The following ATP1B3 variants were observed in gnomAD, a reference collection of about 807,000 sequenced individuals.
ATP1B3 encodes ATPase Na+/K+ transporting subunit beta 3.
Under a neutral mutation model 30.2 loss-of-function variants are expected in ATP1B3, and 10 were observed. That is an observed-to-expected ratio of 0.33 (90% confidence interval 0.20 to 0.56). ATP1B3 has a LOEUF of 0.56. Among genes scored for constraint, ATP1B3 ranks in the 20% least tolerant of loss-of-function variants. The pLI, the probability that ATP1B3 is intolerant of heterozygous loss-of-function variation, is 0.90. For synonymous variants in ATP1B3, 113 were observed against 117.0 expected (o/e 0.97, Z 0.22); for missense variants, 238 against 336.7 (o/e 0.71, Z 2.29).
At chr3:141,889,988 C>G (rs893728040) in intron 1 of ATP1B3, among the ~76,000 whole-genome samples, 2 of 149,456 alleles carry the variant, frequency 1.3e-5, no homozygotes, top group African/African-American at 4.9e-5. Flanking sequence ...TGATAGGATG[C>G]TGGTATCTAT....
chr3:141,888,884 G>A (rs1003742450), intron 1 of ATP1B3, among the ~76,000 whole-genome samples: 1 of 152,222 alleles, frequency 6.6e-6, no homozygotes, highest in African/African-American at 2.4e-5. Flanking sequence ...CCCCAGCCAT[G>A]TGGAACTGAG....
intron 1 of ATP1B3, among the ~76,000 whole-genome samples, chr3:141,901,400 A>G (rs1934161408): frequency 6.6e-6 from 1 of 152,180 alleles, no homozygotes; most frequent in South Asian, 2.1e-4. Flanking sequence ...TTTAGGGGGA[A>G]GAGGTGGTTG....
intron 6 of ATP1B3, among the ~76,000 whole-genome samples, chr3:141,922,669 A>G (rs1291552824): frequency 6.7e-6 from 1 of 148,362 alleles, no homozygotes; most frequent in East Asian, 2.0e-4. Flanking sequence ...CAAAAAAATA[A>G]ATGAAAAGAA....
intron 5 of ATP1B3, chr3:141,921,763 T>C (rs536248275): frequency 2.4e-5 from 9 of 379,720 alleles, no homozygotes; most frequent in Non-Finnish European, 4.3e-5. Context: ...AGTGTAAGTA[T>C]CAGGATAGTT....
intron 1 of ATP1B3, among the ~76,000 whole-genome samples, chr3:141,890,469 A>G (rs184242781): frequency 2.6e-5 from 4 of 151,154 alleles, no homozygotes; most frequent in Non-Finnish European, 5.9e-5. Context: ...CGCCCGGCTG[A>G]TTTTTGTATT....
chr3:141,924,195 T>G (rs1223432069), intron 6 of ATP1B3, among the ~76,000 whole-genome samples: 1 of 150,272 alleles, frequency 6.7e-6, no homozygotes, highest in African/African-American at 2.5e-5. Context: ...AATACAAAAA[T>G]TAGCTGACCG....
At chr3:141,904,306 T>C (rs568235661) in intron 2 of ATP1B3, among the ~76,000 whole-genome samples, 17 of 109,808 alleles carry the variant, frequency 1.5e-4, no homozygotes, top group African/African-American at 4.3e-4. Context: ...TTTCGGTTTC[T>C]TTTTTTTTTT....
intron 4 of ATP1B3, 99 bp from the exon 5 acceptor site, chr3:141,915,871 A>T: frequency 1.3e-6 from 1 of 797,050 alleles, no homozygotes; most frequent in Non-Finnish European, 2.0e-6. Flanking sequence ...ACTTGGTGTT[A>T]ATCTCAAAGT....
At chr3:141,898,607 A>G (rs1073464) in intron 1 of ATP1B3, among the ~76,000 whole-genome samples, 21,081 of 152,210 alleles carry the variant, frequency 0.14, 1,703 homozygotes, top group East Asian at 0.39. Flanking sequence ...AAGAAGTGTT[A>G]ATGAGGTTGA....
chr3:141,910,402 C>G (rs560767846), intron 3 of ATP1B3, among the ~76,000 whole-genome samples: 1 of 151,984 alleles, frequency 6.6e-6, no homozygotes, highest in Non-Finnish European at 1.5e-5. Context: ...TCTACATTAT[C>G]ACTTTTCTTT....
chr3:141,883,920 T>C (rs1933782952), intron 1 of ATP1B3, among the ~76,000 whole-genome samples: 1 of 152,066 alleles, frequency 6.6e-6, no homozygotes, highest in Non-Finnish European at 1.5e-5. Context: ...TATTGGAGAC[T>C]CAGCTGGGTT....
chr3:141,910,791 T>TA (rs1223643957), intron 3 of ATP1B3, among the ~76,000 whole-genome samples: 2 of 144,938 alleles, frequency 1.4e-5, no homozygotes, highest in East Asian at 4.0e-4. Flanking sequence ...CCCTTTTTTT[T>TA]AATTATTTTT....
intron 1 of ATP1B3, among the ~76,000 whole-genome samples, chr3:141,885,529 A>G (rs1219710575): frequency 6.6e-6 from 1 of 151,868 alleles, no homozygotes; most frequent in Non-Finnish European, 1.5e-5. Context: ...GCTCACTGCA[A>G]CCTCCGCCTC....
intron 2 of ATP1B3, 74 bp from the exon 3 acceptor site, chr3:141,907,093 C>A: frequency 2.6e-6 from 3 of 1,146,522 alleles, no homozygotes; most frequent in Non-Finnish European, 3.7e-6. Context: ...TTGCTGAGAT[C>A]TGCTTTTTAG....
Position 141,895,469 on chromosome 3 carries a change from C to T in ATP1B3, c.110-8151C>T, listed in dbSNP as rs544732071. Among the ~76,000 whole-genome samples the T allele has an allele frequency of 4.6e-5, 7 of 152,252 alleles. No homozygotes were observed. In the South Asian group the frequency reaches 6.2e-4, roughly 14 times the overall value. On this transcript the variant is annotated intron_variant, in intron 1 of 6. Transcript: ENST00000286371. ...CCTCTCAAAGTACTGGGATTACAAGCGTGAGCCACTGCGTCCCGCCTCTTT... is the reference window on the plus strand; with the variant it reads ...CCTCTCAAAGTACTGGGATTACAAGTGTGAGCCACTGCGTCCCGCCTCTTT...
intron 5 of ATP1B3, 38 bp downstream of exon 5, chr3:141,916,058 T>C (rs747775692): frequency 1.3e-6 from 2 of 1,540,044 alleles, no homozygotes; most frequent in South Asian, 2.4e-5. Flanking sequence ...AAATCTTTGA[T>C]GTTTCTTAAA....
chr3:141,902,438 A>T (rs1315677955), intron 1 of ATP1B3, among the ~76,000 whole-genome samples: 1 of 152,170 alleles, frequency 6.6e-6, no homozygotes, highest in Non-Finnish European at 1.5e-5. Context: ...CTGGGGGGAA[A>T]ATATATTCAG....
chr3:141,924,784 G>A (rs1047959224), intron 6 of ATP1B3, among the ~76,000 whole-genome samples: 28 of 151,946 alleles, frequency 1.8e-4, no homozygotes, highest in African/African-American at 4.3e-4. Context: ...GTGAAACCCC[G>A]TCTATTAAAA....
intron 1 of ATP1B3, among the ~76,000 whole-genome samples, chr3:141,890,811 G>A (rs550132765): frequency 1.3e-5 from 2 of 152,336 alleles, no homozygotes; most frequent in East Asian, 1.9e-4. Context: ...GAGCTGAAGC[G>A]ATCTGCCTGC....
Sources: gnomAD v4.1 joint callset for allele counts (sites outside exome capture counted in the v4.1 genomes callset) on GRCh38, gnomAD v4.1.1 for gene constraint, MANE v1.5 for transcripts, NCBI Gene and HGNC (gene_info 2026-07-23, HGNC 2026-07-21) for gene names.